KLK15: variants seen among roughly 807,000 people sequenced by gnomAD.
KLK15 encodes kallikrein related peptidase 15, also known as kallikrein-15.
A neutral mutation model predicts 21.1 loss-of-function variants in KLK15; 19 were observed. The observed-to-expected ratio is 0.90, with a 90% CI of 0.63 to 1.32. KLK15 has a LOEUF of 1.32. Among genes scored for constraint, KLK15 ranks in the 40% most tolerant of loss-of-function variants. The pLI is 0.00. For synonymous variants in KLK15, 141 were observed against 141.5 expected, an observed-to-expected ratio of 1.00 and a Z score of 0.03; for missense variants, 345 against 348.6, an observed-to-expected ratio of 0.99 and a Z score of 0.08.
chr19:50,827,196 G>T, intron 2 of KLK15, 35 bp from the exon 4 acceptor site: 1 of 1,549,482 alleles, frequency 6.5e-7, no homozygotes, highest in Non-Finnish European at 8.7e-7. Flanking sequence ...CCAGTGGAGT[G>T]CGGGCCAGTG....
chr19:50,825,928 C>A, exon 5 of KLK15: 1 of 1,613,484 alleles, frequency 6.2e-7, no homozygotes, highest in South Asian at 1.1e-5. Flanking sequence ...CCCCACAGAC[C>A]AGGGGTCCCC....
At chr19:50,827,676 G>C in exon 2 of KLK15, 1 of 1,610,110 alleles carries the variant, frequency 6.2e-7, no homozygotes, top group South Asian at 1.1e-5. Context: ...TTTGGCAGTG[G>C]GCCGCAGACA....
At chr19:50,826,807 C>T (rs764503910) in intron 3 of KLK15, 50 bp from the exon 5 acceptor site, 55 of 1,581,822 alleles carry the variant, frequency 3.5e-5, no homozygotes, top group Non-Finnish European at 4.5e-5. Flanking sequence ...CGGCCCTTGT[C>T]CCCTCCGCCC....
At chr19:50,828,333 G>C (rs266112) in intron 1 of KLK15, among the ~76,000 whole-genome samples, 22,785 of 151,454 alleles carry the variant, frequency 0.15, 2,422 homozygotes, top group African/African-American at 0.25. Context: ...GGAGAGAGAG[G>C]AAGGGGAACA....
intron 1 of KLK15, among the ~76,000 whole-genome samples, chr19:50,828,862 T>C (rs1195683089): frequency 6.8e-6 from 1 of 147,882 alleles, no homozygotes; most frequent in Non-Finnish European, 1.5e-5. Context: ...CCAGCTACTC[T>C]GGAGGCTGAG....
At chr19:50,829,079 AACAC>A (rs1166525642) in intron 1 of KLK15, among the ~76,000 whole-genome samples, 1 of 150,776 alleles carries the variant, frequency 6.6e-6, no homozygotes, top group Non-Finnish European at 1.5e-5. Context: ...TGCACACACA[AACAC>A]ACACACAGAA....
rs532374363 is a variant in KLK15 at position 50,827,565 on chromosome 19, C to G, written c.197+97G>C. On this transcript the variant is annotated intron_variant, in intron 2 of 4. Coordinates refer to ENST00000598239, the Ensembl canonical transcript of KLK15. ...ATCCGGCCTCCTCGTCTTTCAGAAC[C>G]CAGGAGTTCTGGCGTCTGCCTCCGT... is the stretch of plus-strand genomic sequence containing the variant. 9.9e-6 allele frequency: 13 copies of G among 1,309,356 alleles called. 1 individual carries two copies. The Admixed American group carries it at 2.7e-4, about 28-fold the overall frequency. 81.1% of individuals were successfully genotyped at this position (1,309,356 alleles called of 1,614,324 possible). A position where few individuals can be genotyped will look rare whatever the true frequency, so the allele number is the denominator to read the frequency against.
upstream of KLK15, among the ~76,000 whole-genome samples, chr19:50,832,140 G>A (rs970227328): frequency 1.5e-4 from 22 of 151,174 alleles, no homozygotes; most frequent in African/African-American, 5.1e-4. Context: ...CCTCTTATCT[G>A]GCCTTTTGGG....
chr19:50,830,633 T>C (rs1433212016), intron 1 of KLK15: 1 of 143,966 alleles, frequency 6.9e-6, no homozygotes, highest in African/African-American at 2.5e-5. Flanking sequence ...CCCCCAGGAG[T>C]GAGGGTCATT....
downstream of KLK15, chr19:50,825,303 G>A (rs111772796): frequency 1.2e-3 from 178 of 152,606 alleles, no homozygotes; most frequent in Non-Finnish European, 2.2e-3. Flanking sequence ...TGCCAGACAC[G>A]ATTTTAATCA....
At chr19:50,828,302 C>A (rs1198361527) in intron 1 of KLK15, among the ~76,000 whole-genome samples, 4 of 151,476 alleles carry the variant, frequency 2.6e-5, no homozygotes, top group Non-Finnish European at 5.9e-5. Flanking sequence ...TAGCCCCCAC[C>A]CCATTTGCTA....
rs573594163 is a variant in KLK15 at position 50,828,666 on chromosome 19, G to T, written c.44-851C>A. ...TTCACTTGCATGCACATGGGTTGCA[G>T]CTTCAAGAATCACAGCACAGGCTGG... On this transcript the variant is annotated intron_variant, in intron 1 of 4. Coordinates refer to ENST00000598239, the Ensembl canonical transcript of KLK15. 2.6e-4 allele frequency among the ~76,000 whole-genome samples: 40 copies of T among 151,700 alleles called. 1 individual carries two copies. The highest frequency in any genetic ancestry group is 8.2e-4 in the African/African-American group (34 of 41,494).
At chr19:50,826,097 CCAAA>C (rs1461547410) in intron 4 of KLK15, 149 bp from the exon 6 acceptor site, 4 of 734,178 alleles carry the variant, frequency 5.4e-6, no homozygotes, top group Non-Finnish European at 8.7e-6. Flanking sequence ...CCAGTTTATC[CCAAA>C]CAGAGCCAAC....
At chr19:50,832,326 T>TTTTC (rs2090004482), upstream of KLK15, among the ~76,000 whole-genome samples, 3 of 61,116 alleles carry the variant, frequency 4.9e-5, no homozygotes, top group Admixed American at 2.3e-4. Flanking sequence ...TTTTTTCTTT[T>TTTTC]TTTTTTTTTT....
At chr19:50,827,153 C>A in exon 3 of KLK15, 1 of 1,583,756 alleles carries the variant, frequency 6.3e-7, no homozygotes, top group Non-Finnish European at 8.6e-7. Flanking sequence ...CAGGCGCACT[C>A]TCATGAAGCT....
At chr19:50,827,342 CCAA>C (rs2123405930) in intron 2 of KLK15, among the ~76,000 whole-genome samples, 181 bp from the exon 4 acceptor site, 1 of 146,320 alleles carries the variant, frequency 6.8e-6, no homozygotes, top group South Asian at 2.1e-4. Context: ...TCCTCAAGGA[CCAA>C]CGAGTCTGAA....
In KLK15 at chr19:50,827,729, G is replaced by A. The variant is rs140896741; in HGVS notation, c.130C>T (p.Arg44Cys). 4.8e-5 allele frequency: 78 copies of A among 1,611,098 alleles called. 5 individuals carry two copies. Among genetic ancestry groups the A allele is most frequent in the Non-Finnish European group, 6.0e-5 (71 of 1,177,694 alleles). The change falls in exon 2 of 5, where the codon CGC becomes TGC. Residue 44 changes from arginine (R) to cysteine (C), a missense_variant. Physicochemically the swap from Arg to Cys is radical, Grantham distance 180. Transcript: ENST00000598239. ...ATGAGGGAAGCGCCACAGTTAAAGC[G>A]TCCACGCTCGTAGAGAGCCACTTGC...
At position 50,827,834 on chromosome 19, in the gene KLK15, G is replaced by T; in HGVS notation, c.44-19C>A. On this transcript the variant is annotated intron_variant, in intron 1 of 4. Coordinates refer to ENST00000598239, the Ensembl canonical transcript of KLK15. ...TGGGCTGCTAAGAGAAGGGGTAGAG[G>T]ATGCCTGAGGACAGGGACGTTTACA... 4.3e-6 allele frequency: 7 copies of T among 1,609,522 alleles called. No individual in the cohort carries two copies. Among genetic ancestry groups the T allele is most frequent in the Non-Finnish European group, 4.3e-6 (5 of 1,176,174 alleles).
chr19:50,825,688 G>T (rs1324588747), downstream of KLK15: 2 of 1,153,934 alleles, frequency 1.7e-6, no homozygotes, highest in Non-Finnish European at 2.4e-6. Context: ...TCTGGGCCTT[G>T]GACAGGGTCT....
Sources: allele counts gnomAD v4.1 joint callset (sites outside exome capture counted in the v4.1 genomes callset), GRCh38; gene constraint gnomAD v4.1.1; transcripts MANE v1.5; gene names NCBI Gene and HGNC (gene_info 2026-07-23, HGNC 2026-07-21).